Variants in CBLN2 observed in about 807,000 individuals in gnomAD.
CBLN2 encodes cerebellin 2 precursor.
CBLN2 carries 7 observed loss-of-function variants against 15.0 expected under a neutral mutation model. The ratio of observed to expected loss-of-function variants is 0.47; its 90% CI spans 0.27 to 0.88. The LOEUF (loss-of-function observed/expected upper bound fraction) is 0.88, where lower values mean the gene tolerates loss of function less well. Among genes scored for constraint, CBLN2 ranks in the 40% least tolerant of loss-of-function variants. The probability of loss-of-function intolerance (pLI) is 0.14; values close to 1 mark genes in which losing one functional copy is unlikely to be tolerated. For synonymous variants in CBLN2, 149 were observed against 135.2 expected (o/e 1.10, Z -0.71); for missense variants, 242 against 304.5 (o/e 0.79, Z 1.53).
chr18:72,580,599 A>G (rs1380065905), intron 1 of CBLN2, among the ~76,000 whole-genome samples: 2 of 152,220 alleles, frequency 1.3e-5, no homozygotes, highest in East Asian at 3.8e-4. Flanking sequence ...ATATATATAT[A>G]CATTTTGCCT....
At chr18:72,619,037 G>A (rs762168469) in intron 1 of CBLN2, 49 of 760,096 alleles carry the variant, frequency 6.4e-5, no homozygotes, top group Non-Finnish European at 1.1e-4. Flanking sequence ...GGAGGTGGTG[G>A]AAGCTACAGT....
intron 1 of CBLN2, among the ~76,000 whole-genome samples, chr18:72,604,274 T>C (rs1282623089): frequency 1.3e-5 from 2 of 152,204 alleles, no homozygotes; most frequent in Non-Finnish European, 2.9e-5. Context: ...CAATGCTTCA[T>C]TCCTCTCCTT....
At chr18:72,605,053 A>G (rs1183244751) in intron 1 of CBLN2, among the ~76,000 whole-genome samples, 1 of 152,222 alleles carries the variant, frequency 6.6e-6, no homozygotes, top group Non-Finnish European at 1.5e-5. Flanking sequence ...TCCATTTTGT[A>G]TCTAATTTGG....
chr18:72,625,857 A>G (rs1343708900), intron 1 of CBLN2, among the ~76,000 whole-genome samples: 1 of 144,150 alleles, frequency 6.9e-6, no homozygotes, highest in African/African-American at 2.5e-5. Flanking sequence ...ACACACACAC[A>G]TATACTCTTG....
intron 1 of CBLN2, among the ~76,000 whole-genome samples, chr18:72,626,224 T>C (rs2069738598): frequency 6.6e-6 from 1 of 152,130 alleles, no homozygotes; most frequent in East Asian, 1.9e-4. Flanking sequence ...ATGATCTCTG[T>C]CTTAAAGAAG....
chr18:72,564,000 A>T (rs1005162476), intron 1 of CBLN2, among the ~76,000 whole-genome samples: 1 of 152,150 alleles, frequency 6.6e-6, no homozygotes. Flanking sequence ...CTCGAAACCA[A>T]AGCCAACACA....
intron 1 of CBLN2, among the ~76,000 whole-genome samples, chr18:72,588,458 AACC>A (rs2069457317): frequency 1.3e-5 from 2 of 152,350 alleles, no homozygotes; most frequent in African/African-American, 4.8e-5. Flanking sequence ...AATGCTGCGA[AACC>A]ACCACCTCTA....
intron 1 of CBLN2, among the ~76,000 whole-genome samples, chr18:72,601,768 C>T (rs1463267754): frequency 1.3e-5 from 2 of 152,254 alleles, no homozygotes; most frequent in East Asian, 1.9e-4. Context: ...TATAACTGCC[C>T]CAGCCTATAA....
intron 1 of CBLN2, among the ~76,000 whole-genome samples, chr18:72,627,243 G>A (rs1295332151): frequency 6.6e-6 from 1 of 152,080 alleles, no homozygotes; most frequent in Non-Finnish European, 1.5e-5. Context: ...AATATATTCG[G>A]GATGCTATTT....
chr18:72,618,072 G>A (rs1395912152), intron 1 of CBLN2, among the ~76,000 whole-genome samples: 20 of 152,134 alleles, frequency 1.3e-4, no homozygotes, highest in Admixed American at 1.3e-3. Context: ...TAGAGTTTGA[G>A]TATCAAACAT....
At chr18:72,619,227 C>A (rs1421206863) in intron 1 of CBLN2, 3 of 920,068 alleles carry the variant, frequency 3.3e-6, no homozygotes, top group Non-Finnish European at 5.1e-6. Context: ...ATTTTAATTA[C>A]AGTCAGGAAA....
intron 1 of CBLN2, among the ~76,000 whole-genome samples, chr18:72,620,982 G>C (rs768947825): frequency 6.6e-6 from 1 of 152,150 alleles, no homozygotes; most frequent in Non-Finnish European, 1.5e-5. Flanking sequence ...AATTAGAAGA[G>C]ATCCTGAGCT....
intron 1 of CBLN2, among the ~76,000 whole-genome samples, chr18:72,625,843 T>TAGAG (rs1555673574): frequency 1.4e-5 from 2 of 137,964 alleles, no homozygotes; most frequent in Non-Finnish European, 3.1e-5. Flanking sequence ...TATATATATA[T>TAGAG]AGTACACACA....
intron 1 of CBLN2, among the ~76,000 whole-genome samples, chr18:72,580,740 G>A (rs2069397475): frequency 6.6e-6 from 1 of 152,116 alleles, no homozygotes; most frequent in Admixed American, 6.6e-5. Context: ...TGCTTCTGCT[G>A]ATCAACATTT....
In CBLN2 at chr18:72,621,871, A is replaced by G. The variant is rs116332956; in HGVS notation, c.15+16454T>C. The stretch of plus-strand genomic sequence containing the variant: ...GAGCCAAGGTTTCCAAAACTGATGG[A>G]AAAAAACAGTTTTTCAGTTGAGAAA... On this transcript the variant is annotated intron_variant, in intron 1 of 2. Coordinates refer to the CBLN2 transcript ENST00000581073. Among the ~76,000 whole-genome samples, 799 of 152,248 alleles carry G rather than the reference A, an allele frequency of 5.2e-3. 6 individuals carry two copies. The highest frequency in any genetic ancestry group is 0.018 in the African/African-American group (759 of 41,536).
chr18:72,602,538 C>T (rs895046273), intron 1 of CBLN2, among the ~76,000 whole-genome samples: 1 of 152,134 alleles, frequency 6.6e-6, no homozygotes, highest in African/African-American at 2.4e-5. Context: ...CAGCTGCATG[C>T]CAGCTCATCT....
chr18:72,572,986 G>T (rs1034456042), intron 1 of CBLN2, among the ~76,000 whole-genome samples: 11 of 152,078 alleles, frequency 7.2e-5, no homozygotes, highest in Non-Finnish European at 1.6e-4. Flanking sequence ...TAGTGAAGGA[G>T]CTTTTCTCTA....
chr18:72,607,703 T>TTC (rs1027927834), intron 1 of CBLN2, among the ~76,000 whole-genome samples: 6 of 128,572 alleles, frequency 4.7e-5, no homozygotes, highest in Admixed American at 1.5e-4. Flanking sequence ...CTTTCTCTCT[T>TTC]TCTCTCTCTC....
chr18:72,576,023 T>C (rs1347392577), intron 1 of CBLN2, among the ~76,000 whole-genome samples: 1 of 152,204 alleles, frequency 6.6e-6, no homozygotes, highest in Non-Finnish European at 1.5e-5. Flanking sequence ...ATTCATTCAA[T>C]AATATTTACT....
Sources: gnomAD v4.1 joint callset for allele counts (sites outside exome capture counted in the v4.1 genomes callset) on GRCh38, gnomAD v4.1.1 for gene constraint, MANE v1.5 for transcripts, NCBI Gene and HGNC (gene_info 2026-07-23, HGNC 2026-07-21) for gene names.